The following ATP7B variants were observed in gnomAD, a reference collection of about 807,000 sequenced individuals.
ATP7B encodes the protein copper-transporting ATPase 2.
In ATP7B, 113 loss-of-function variants were observed where a neutral mutation model predicts 118.9. The ratio of observed to expected loss-of-function variants is 0.95; its 90% CI spans 0.82 to 1.11. The LOEUF (loss-of-function observed/expected upper bound fraction) is 1.11, where lower values mean the gene tolerates loss of function less well. ATP7B is among the 50% of genes most tolerant of loss of function. The pLI is 0.00. For missense variants in ATP7B, 1,867 were observed against 1,871.4 expected, an observed-to-expected ratio of 1.00 and a Z score of 0.04; for synonymous variants, 777 against 727.4, an observed-to-expected ratio of 1.07 and a Z score of -1.10.
intron 9 of ATP7B, among the ~76,000 whole-genome samples, chr13:51,957,109 C>T (rs9535807): frequency 1.3e-5 from 2 of 152,082 alleles, no homozygotes; most frequent in East Asian, 3.8e-4. Flanking sequence ...TATCAGGCAA[C>T]CTTAAGAAGA....
At chr13:51,963,596 C>A (rs1022864287) in intron 5 of ATP7B, among the ~76,000 whole-genome samples, 7 of 151,954 alleles carry the variant, frequency 4.6e-5, no homozygotes, top group Non-Finnish European at 8.8e-5. Context: ...ATTAGCCAGG[C>A]ATGGTGGCAG....
At position 51,933,863 on chromosome 13, in the gene ATP7B, G is replaced by GA. The variant is rs1956819980; in HGVS notation, c.*892dup. Reference sequence around the variant, plus strand: ...TTTCAAGCACCACAGGCTGGGCAGGGATATGGAAGGACGTCCTGAATCGCG... The same window carrying GA: ...TTTCAAGCACCACAGGCTGGGCAGGGAATATGGAAGGACGTCCTGAATCGCG... On this transcript the variant is annotated 3_prime_UTR_variant, in exon 21 of 21. Transcript: ENST00000242839. 3 of 152,298 alleles carry GA rather than the reference G, an allele frequency of 2.0e-5. No individual in the cohort carries two copies. Among genetic ancestry groups the GA allele is most frequent in the Admixed American group, 2.0e-4 (3 of 15,280 alleles). The allele number at this position is 152,298 out of a possible 1,614,324, so 9.4% of individuals were successfully genotyped here. A position where few individuals can be genotyped will look rare whatever the true frequency, so the allele number is the denominator to read the frequency against.
At chr13:51,950,445 A>G in intron 9 of ATP7B, 46 bp from the exon 10 acceptor site, 3 of 1,611,766 alleles carry the variant, frequency 1.9e-6, no homozygotes, top group Non-Finnish European at 2.5e-6. Context: ...TCATTCGGTC[A>G]CCGGGTCAGG....
At chr13:51,994,779 GTTTT>G (rs1953114748) in intron 1 of ATP7B, among the ~76,000 whole-genome samples, 1 of 152,126 alleles carries the variant, frequency 6.6e-6, no homozygotes, top group African/African-American at 2.4e-5. Context: ...TTCAAAAGTT[GTTTT>G]TTATTTTCGT....
chr13:51,990,862 G>T (rs1251106642), intron 1 of ATP7B, among the ~76,000 whole-genome samples: 7 of 152,248 alleles, frequency 4.6e-5, no homozygotes, highest in African/African-American at 1.7e-4. Flanking sequence ...GGCCGAGGCA[G>T]GTGGATCACG....
rs376369653 is a variant in ATP7B, at chr13:51,937,641, C to T, written c.3738G>A (p.Ser1246=). Residue 1246 remains serine (S), a synonymous_variant, in exon 18 of 21, where the codon TCG becomes TCA. Transcript: ENST00000242839. The part of the protein sequence containing the change: ...INKVFAEVLP[S]HKVAKVQELQ... ...GCTCCTGGACCTTGGCCACCTTGTG[C>T]GAAGGCAGCACCTCTGCAAAGACTT... 15 of 1,614,130 alleles carry T rather than the reference C, an allele frequency of 9.3e-6. No homozygotes were observed. The highest frequency in any genetic ancestry group is 2.2e-5 in the South Asian group (2 of 91,084).
At chr13:51,940,332 T>G (rs1957257892) in intron 16 of ATP7B, among the ~76,000 whole-genome samples, 2 of 141,298 alleles carry the variant, frequency 1.4e-5, no homozygotes, top group South Asian at 5.0e-4. Flanking sequence ...TCTTGAGACC[T>G]GTACTCTGTG....
At chr13:51,935,375 T>C (rs771794814) in intron 20 of ATP7B, among the ~76,000 whole-genome samples, 83 of 152,180 alleles carry the variant, frequency 5.5e-4, no homozygotes, top group Non-Finnish European at 1.0e-3. Context: ...AGGAGCAGAG[T>C]AAGGGCAGCC....
Position 51,965,050 on chromosome 13 carries a change from C to G in ATP7B, c.1708-17G>C. ...CCCTGTGATCTGCAACACAGGATGGCAAGAATCCCACAGACCCAGGATCAA... is the reference window on the plus strand; with the variant it reads ...CCCTGTGATCTGCAACACAGGATGGGAAGAATCCCACAGACCCAGGATCAA... On this transcript the variant is annotated splice_polypyrimidine_tract_variant and intron_variant, in intron 4 of 20. Coordinates refer to ENST00000242839, the MANE Select transcript of ATP7B (RefSeq NM_000053.4). 1 of 1,613,694 alleles carries G rather than the reference C, an allele frequency of 6.2e-7. No individual in the cohort carries two copies. Among genetic ancestry groups the G allele is most frequent in the South Asian group, 1.1e-5 (1 of 91,072 alleles).
chr13:51,953,487 A>C (rs1336687960), intron 9 of ATP7B, among the ~76,000 whole-genome samples: 1 of 152,158 alleles, frequency 6.6e-6, no homozygotes, highest in Non-Finnish European at 1.5e-5. Flanking sequence ...TGTTAAATCT[A>C]ACTTTGAATT....
At chr13:51,988,112 T>A (rs1376003169) in intron 1 of ATP7B, among the ~76,000 whole-genome samples, 1 of 151,564 alleles carries the variant, frequency 6.6e-6, no homozygotes, top group African/African-American at 2.4e-5. Context: ...ATCATCAGAG[T>A]GAACAGGCAA....
intron 8 of ATP7B, chr13:51,957,815 A>C (rs184534504): frequency 1.7e-6 from 1 of 592,278 alleles, no homozygotes; most frequent in Non-Finnish European, 3.0e-6. Context: ...TGCCTGTGCC[A>C]CTAAAGTCCG....
chr13:51,934,307 C>A lies in ATP7B; in HGVS notation c.*449G>T, dbSNP rs2138366639. On this transcript the variant is annotated 3_prime_UTR_variant, in exon 21 of 21. Transcript: ENST00000242839. ...AGGCACACCTGAGGTAAACTGTGGTCTCAGAAACATGATGCACACAGACAG... is the reference window on the plus strand; with the variant it reads ...AGGCACACCTGAGGTAAACTGTGGTATCAGAAACATGATGCACACAGACAG... 3.6e-6 allele frequency: 1 copy of A among 274,384 alleles called. No individual in the cohort carries two copies. Among genetic ancestry groups the A allele is most frequent in the African/African-American group, 2.2e-5 (1 of 46,162 alleles). The allele number at this position is 274,384 out of a possible 1,614,324, so 17.0% of individuals were successfully genotyped here.
Position 51,949,772 on chromosome 13 carries a change from G to A in ATP7B, c.2755C>T (p.Arg919Trp), listed in dbSNP as rs121907993. The A allele has an allele frequency of 3.2e-5, 52 of 1,613,962 alleles. No homozygotes were observed. The highest frequency in any genetic ancestry group is 1.2e-4 in the South Asian group (11 of 91,072). Residue 919 changes from arginine to tryptophan, a missense_variant, in exon 12 of 21, where the codon CGG becomes TGG. Physicochemically the swap from Arg to Trp is moderately radical, Grantham distance 101. Coordinates refer to ENST00000242839, the MANE Select transcript of ATP7B (RefSeq NM_000053.4). Reference protein sequence around the residue: ...SKAPIQQLADRFSGYFVPFII... With the variant: ...SKAPIQQLADWFSGYFVPFII... ...AATGGGACAAAATATCCACTAAACCGGTCAGCCAGCTGCTGAATGGGTGCC... is the reference window on the plus strand; with the variant it reads ...AATGGGACAAAATATCCACTAAACCAGTCAGCCAGCTGCTGAATGGGTGCC...
At position 51,964,757 on chromosome 13, in the gene ATP7B, T is replaced by C. The variant is rs1958974753; in HGVS notation, c.1869+115A>G. 13 of 1,281,466 alleles carry C rather than the reference T, an allele frequency of 1.0e-5. No individual in the cohort carries two copies. In the East Asian group the frequency reaches 3.1e-4, roughly 30 times the overall value. The allele number at this position is 1,281,466 out of a possible 1,614,324, so 79.4% of individuals were successfully genotyped here. A position where few individuals can be genotyped will look rare whatever the true frequency, so the allele number is the denominator to read the frequency against. ...ACTGAGCTTATTTCCATGGGAAAAG[T>C]TGAAGAATTTTGGTTATTTTCATTT... On this transcript the variant is annotated intron_variant, in intron 5 of 20. Transcript: ENST00000242839.
intron 5 of ATP7B, chr13:51,964,625 A>C (rs1279629128): frequency 2.1e-6 from 1 of 466,132 alleles, no homozygotes; most frequent in African/African-American, 2.0e-5. Context: ...GGAATATCTA[A>C]AATTAAAACA....
chr13:52,006,849 T>C (rs1004674594), intron 1 of ATP7B, among the ~76,000 whole-genome samples: 1 of 152,198 alleles, frequency 6.6e-6, no homozygotes, highest in African/African-American at 2.4e-5. Flanking sequence ...CTGCTCTTCC[T>C]GAAAGACCCA....
intron 9 of ATP7B, among the ~76,000 whole-genome samples, chr13:51,952,685 T>A (rs1178067216): frequency 1.3e-5 from 2 of 152,216 alleles, no homozygotes; most frequent in East Asian, 3.8e-4. Flanking sequence ...TATGCAGGCA[T>A]GTATGTTAAA....
intron 2 of ATP7B, among the ~76,000 whole-genome samples, chr13:51,971,830 T>C (rs1391647169): frequency 1.3e-5 from 2 of 152,228 alleles, no homozygotes; most frequent in African/African-American, 4.8e-5. Context: ...GGACACAAAC[T>C]TTATCTCAGT....
Sources: allele counts gnomAD v4.1 joint callset (sites outside exome capture counted in the v4.1 genomes callset), GRCh38; gene constraint gnomAD v4.1.1; transcripts MANE v1.5; gene names NCBI Gene and HGNC (gene_info 2026-07-23, HGNC 2026-07-21).